Variants in ITGA8 observed in about 807,000 individuals in gnomAD.
ITGA8 encodes the protein integrin alpha-8.
ITGA8 carries 91 observed loss-of-function variants against 142.3 expected under a neutral mutation model. That is an observed-to-expected ratio of 0.64 (90% CI 0.54 to 0.76). The LOEUF (loss-of-function observed/expected upper bound fraction) is 0.76. Ranked by LOEUF, ITGA8 falls within the 30% of genes least tolerant of loss-of-function variation. The pLI, the probability that ITGA8 is intolerant of heterozygous loss-of-function variation, is 0.00. For missense variants in ITGA8, 1,406 were observed against 1,327.7 expected (o/e 1.06, Z -0.92); for synonymous variants, 505 against 485.2 (o/e 1.04, Z -0.54).
intron 20 of ITGA8, among the ~76,000 whole-genome samples, chr10:15,599,549 A>G (rs1233160100): frequency 6.6e-6 from 1 of 152,120 alleles, no homozygotes; most frequent in Non-Finnish European, 1.5e-5. Flanking sequence ...GGACCTGCAC[A>G]TAGATCCAAG....
At chr10:15,604,998 AT>A (rs1193877882) in intron 19 of ITGA8, among the ~76,000 whole-genome samples, 1 of 152,128 alleles carries the variant, frequency 6.6e-6, no homozygotes, top group African/African-American at 2.4e-5. Context: ...ACTTAAAGCG[AT>A]TGCATTTGAA....
intron 13 of ITGA8, among the ~76,000 whole-genome samples, chr10:15,619,621 T>A (rs903786510): frequency 9.9e-5 from 15 of 152,220 alleles, no homozygotes; most frequent in Non-Finnish European, 2.9e-5. Context: ...AAAATTATAA[T>A]GATAAATTCT....
chr10:15,566,086 C>T (rs1834074044), intron 25 of ITGA8, among the ~76,000 whole-genome samples: 1 of 152,122 alleles, frequency 6.6e-6, no homozygotes, highest in Non-Finnish European at 1.5e-5. Flanking sequence ...TTTGCCAAGC[C>T]ACTGTCTGCG....
chr10:15,609,343 A>T (rs901511612), intron 15 of ITGA8, among the ~76,000 whole-genome samples: 9 of 152,242 alleles, frequency 5.9e-5, no homozygotes, highest in Admixed American at 5.9e-4. Context: ...GTAAAATACT[A>T]TAGTATGATG....
At chr10:15,530,822 A>G (rs1472653615) in intron 28 of ITGA8, among the ~76,000 whole-genome samples, 16 of 152,320 alleles carry the variant, frequency 1.1e-4, no homozygotes, top group African/African-American at 2.4e-5. Flanking sequence ...TAAAAATGGT[A>G]TTAGTCCTGC....
At chr10:15,709,896 T>A (rs1282245610) in intron 2 of ITGA8, among the ~76,000 whole-genome samples, 1 of 152,212 alleles carries the variant, frequency 6.6e-6, no homozygotes, top group Non-Finnish European at 1.5e-5. Flanking sequence ...TTTTAGAACC[T>A]AGGTACTTTA....
Position 15,592,086 on chromosome 10 carries a change from G to A in ITGA8, c.2291+139C>T, listed in dbSNP as rs1832933046. The A allele has an allele frequency of 1.1e-5, 6 of 551,112 alleles. No homozygotes were observed. In the South Asian group the frequency reaches 1.8e-4, roughly 17 times the overall value. 34.1% of individuals were successfully genotyped at this position (551,112 alleles called of 1,614,324 possible). A position where few individuals can be genotyped will look rare whatever the true frequency, so the allele number is the denominator to read the frequency against. ...TACTGAAACAATTGAGAAAAACAAA[G>A]AAGAAATGGGCTGTGAAAGTCTGGG... On this transcript the variant is annotated intron_variant, in intron 22 of 29. Coordinates refer to ENST00000378076, the MANE Select transcript of ITGA8 (RefSeq NM_003638.3).
intron 27 of ITGA8, among the ~76,000 whole-genome samples, chr10:15,545,252 T>C (rs896329368): frequency 3.3e-5 from 5 of 152,224 alleles, no homozygotes; most frequent in Non-Finnish European, 7.3e-5. Flanking sequence ...GAGTCCATCT[T>C]GATTCTTCTC....
At chr10:15,561,549 T>A (rs1413887581) in intron 25 of ITGA8, among the ~76,000 whole-genome samples, 1 of 151,742 alleles carries the variant, frequency 6.6e-6, no homozygotes, top group Non-Finnish European at 1.5e-5. Flanking sequence ...GAATACAGAG[T>A]CAAATTACTG....
intron 23 of ITGA8, among the ~76,000 whole-genome samples, chr10:15,583,609 C>A (rs1216635034): frequency 6.6e-6 from 1 of 152,134 alleles, no homozygotes. Context: ...AAGAAGCCAG[C>A]ACCATTCCCA....
intron 20 of ITGA8, among the ~76,000 whole-genome samples, chr10:15,603,207 A>G (rs1833134070): frequency 6.6e-6 from 1 of 152,200 alleles, no homozygotes; most frequent in Non-Finnish European, 1.5e-5. Flanking sequence ...AGAGAATTTT[A>G]TATTCCCTAA....
At chr10:15,647,913 G>A (rs1477559758) in intron 11 of ITGA8, among the ~76,000 whole-genome samples, 1 of 152,090 alleles carries the variant, frequency 6.6e-6, no homozygotes, top group Non-Finnish European at 1.5e-5. Context: ...ATAAAAATTT[G>A]AATTCTTTGG....
intron 2 of ITGA8, among the ~76,000 whole-genome samples, chr10:15,710,665 A>G (rs1001563907): frequency 6.6e-6 from 1 of 152,194 alleles, no homozygotes; most frequent in African/African-American, 2.4e-5. Flanking sequence ...GCACTGTGAC[A>G]AAGAGATCAG....
At chr10:15,553,631 A>C (rs12098787) in intron 26 of ITGA8, among the ~76,000 whole-genome samples, 52,584 of 152,034 alleles carry the variant, frequency 0.35, 9,474 homozygotes, top group African/African-American at 0.42. Context: ...TTCTGCATCG[A>C]TGAGACACAG....
At chr10:15,678,423 T>G (rs1322005842) in intron 5 of ITGA8, among the ~76,000 whole-genome samples, 4 of 152,340 alleles carry the variant, frequency 2.6e-5, no homozygotes, top group African/African-American at 9.6e-5. Context: ...TTACTGAGTT[T>G]TTTAGATTTT....
At chr10:15,650,823 ATATC>A (rs1278708165) in intron 11 of ITGA8, among the ~76,000 whole-genome samples, 2 of 152,286 alleles carry the variant, frequency 1.3e-5, no homozygotes, top group African/African-American at 2.4e-5. Flanking sequence ...TATATAGTAA[ATATC>A]AAATCAACCT....
rs1042610211 is a variant in ITGA8, at chr10:15,661,032, A to G, written c.848-110T>C. 2.6e-5 allele frequency: 26 copies of G among 1,016,440 alleles called. No individual in the cohort carries two copies. In the Admixed American group the frequency reaches 4.0e-4, roughly 15 times the overall value. The allele number at this position is 1,016,440 out of a possible 1,614,324, so 63.0% of individuals were successfully genotyped here. A position where few individuals can be genotyped will look rare whatever the true frequency, so the allele number is the denominator to read the frequency against. On this transcript the variant is annotated intron_variant, in intron 8 of 29. Coordinates refer to ENST00000378076, the MANE Select transcript of ITGA8 (RefSeq NM_003638.3). ...GACAGTGCTTGTAAAATGAGTGGCT[A>G]TCATACAGAGCAGGGGTCCCCAAGC...
chr10:15,535,795 C>T (rs543032840), intron 27 of ITGA8, among the ~76,000 whole-genome samples: 1 of 152,186 alleles, frequency 6.6e-6, no homozygotes, highest in African/African-American at 2.4e-5. Flanking sequence ...GCTGGGGTCC[C>T]CTTCCACACT....
At chr10:15,719,537 G>T (rs781011430) in intron 1 of ITGA8, 26 bp downstream of exon 1, 29 of 1,522,596 alleles carry the variant, frequency 1.9e-5, no homozygotes, top group Non-Finnish European at 2.4e-5. Context: ...GTCCCCGCGC[G>T]CACCTCCCCG....
Sources: gnomAD v4.1 joint callset for allele counts (sites outside exome capture counted in the v4.1 genomes callset) on GRCh38, gnomAD v4.1.1 for gene constraint, MANE v1.5 for transcripts, NCBI Gene and HGNC (gene_info 2026-07-23, HGNC 2026-07-21) for gene names.